SMG5: variants seen among roughly 807,000 people sequenced by gnomAD.
The protein encoded by SMG5 is nonsense-mediated mRNA decay factor SMG5.
In SMG5, 53 loss-of-function variants were observed where a neutral mutation model predicts 122.9. That is an observed-to-expected ratio of 0.43 (90% CI 0.35 to 0.54). The LOEUF (loss-of-function observed/expected upper bound fraction) is 0.54, where lower values mean the gene tolerates loss of function less well. SMG5 is among the 20% of genes least tolerant of loss of function. The probability of loss-of-function intolerance (pLI) is 0.01; values close to 1 mark genes in which losing one functional copy is unlikely to be tolerated. For missense variants in SMG5, 1,153 were observed against 1,285.6 expected, an observed-to-expected ratio of 0.90 and a Z score of 1.58; for synonymous variants, 477 against 490.2, an observed-to-expected ratio of 0.97 and a Z score of 0.35.
At chr1:156,286,379 C>T (rs747391791), upstream of SMG5, 33 of 1,614,094 alleles carry the variant, frequency 2.0e-5, no homozygotes, top group South Asian at 3.3e-4. Flanking sequence ...GCTCTTTATT[C>T]TCTACTTCTT....
chr1:156,282,779 C>T lies in SMG5; in HGVS notation c.-99G>A. 1 of 1,325,968 alleles carries T rather than the reference C, an allele frequency of 7.5e-7. No homozygotes were observed. The highest frequency in any genetic ancestry group is 1.0e-6 in the Non-Finnish European group (1 of 984,000). 82.1% of individuals were successfully genotyped at this position (1,325,968 alleles called of 1,614,324 possible). A position where few individuals can be genotyped will look rare whatever the true frequency, so the allele number is the denominator to read the frequency against. ...CGGCCGTAGCCGCAGCCGCCGCCGC[C>T]ACCGGCCCTGCTCGGCCGCCATCGC... On this transcript the variant is annotated 5_prime_UTR_variant, in exon 1 of 22. The change creates a premature stop within an existing upstream ORF in the 5' untranslated region. Transcript: ENST00000361813.
chr1:156,286,244 T>A (rs1558251420), upstream of SMG5: 5 of 1,613,308 alleles, frequency 3.1e-6, no homozygotes, highest in Non-Finnish European at 4.2e-6. Flanking sequence ...CTACCCTGTT[T>A]CCCAACTCCA....
chr1:156,268,656 T>C (rs112837208), intron 7 of SMG5, among the ~76,000 whole-genome samples: 3,453 of 152,256 alleles, frequency 0.023, 134 homozygotes, highest in African/African-American at 0.079. Flanking sequence ...AAGGAGAATA[T>C]CAATCCTACC....
At chr1:156,273,718 C>CTTTTTTTTTTTTTTTTTTTTT (rs748042052) in intron 5 of SMG5, among the ~76,000 whole-genome samples, 5 of 116,330 alleles carry the variant, frequency 4.3e-5, no homozygotes, top group Non-Finnish European at 8.7e-5. Flanking sequence ...GTTTTGTTTT[C>CTTTTTTTTTTTTTTTTTTTTT]TTTTTTTTTT....
Position 156,277,140 on chromosome 1 carries a change from G to A in SMG5, c.399C>T (p.Tyr133=). Residue 133 remains tyrosine (Y), a synonymous_variant, in exon 4 of 22, where the codon TAC becomes TAT. Coordinates refer to ENST00000361813, the MANE Select transcript of SMG5 (RefSeq NM_015327.3). ...CGATGCAGCACTGCAGTTCCAGCTGGTAGTGGGACTGGATATAGAGAAGGA... is the reference window on the plus strand; with the variant it reads ...CGATGCAGCACTGCAGTTCCAGCTGATAGTGGGACTGGATATAGAGAAGGA... ...QHLLLYIQSH[Y]QLELQCCIDW... is the part of the protein sequence containing the mutation. 6.2e-7 allele frequency: 1 copy of A among 1,614,014 alleles called. No homozygotes were observed. Among genetic ancestry groups the A allele is most frequent in the Non-Finnish European group, 8.5e-7 (1 of 1,179,954 alleles).
At chr1:156,263,595 A>C in intron 12 of SMG5, 25 bp from the exon 13 acceptor site, 1 of 1,606,860 alleles carries the variant, frequency 6.2e-7, no homozygotes, top group Non-Finnish European at 8.5e-7. Context: ...AATGGAAGAG[A>C]AAAAAACTGG....
At chr1:156,259,252 C>T in intron 15 of SMG5, 89 bp from the exon 16 acceptor site, 1 of 1,365,858 alleles carries the variant, frequency 7.3e-7, no homozygotes, top group East Asian at 2.8e-5. Flanking sequence ...CACCCTCCCA[C>T]CTCCCTGCTG....
In SMG5 at chr1:156,277,993, T is replaced by G; in HGVS notation, c.229A>C (p.Lys77Gln). Residue 77 changes from lysine to glutamine, a missense_variant, in exon 3 of 22, where the codon AAG (lysine) becomes CAG (glutamine). Lys to Gln is a moderately conservative substitution (Grantham distance 53). Transcript: ENST00000361813. ...TTTCTCCACAGCAGCTCCTCAGCCT[T>G]TCTCCCATAGTCCACTGGGTGCAGG... Reference protein sequence around the residue: ...MFLHPVDYGRKAEELLWRKVY... With the variant: ...MFLHPVDYGRQAEELLWRKVY... 6.2e-7 allele frequency: 1 copy of G among 1,614,154 alleles called. No individual in the cohort carries two copies. The highest frequency in any genetic ancestry group is 1.1e-5 in the South Asian group (1 of 91,088).
chr1:156,260,209 G>A (rs1259724387), intron 15 of SMG5, among the ~76,000 whole-genome samples: 1 of 152,210 alleles, frequency 6.6e-6, no homozygotes, highest in Non-Finnish European at 1.5e-5. Flanking sequence ...AGAAAGGAAG[G>A]GGGTGGTTGT....
chr1:156,277,659 T>C (rs1233048428), intron 3 of SMG5, among the ~76,000 whole-genome samples: 1 of 152,016 alleles, frequency 6.6e-6, no homozygotes, highest in Non-Finnish European at 1.5e-5. Context: ...ATTACAGGCA[T>C]GCACCACCAC....
chr1:156,265,702 A>G (rs950712882), intron 12 of SMG5, 79 bp downstream of exon 12: 19 of 1,545,748 alleles, frequency 1.2e-5, no homozygotes, highest in African/African-American at 2.7e-5. Flanking sequence ...ATTCACACAG[A>G]TAGGAAAGCG....
intron 7 of SMG5, among the ~76,000 whole-genome samples, chr1:156,269,533 G>A (rs1227981525): frequency 2.6e-5 from 4 of 151,682 alleles, no homozygotes; most frequent in African/African-American, 7.3e-5. Flanking sequence ...TCAGGAGTTC[G>A]AGATGAGCCT....
chr1:156,256,310 CTT>C (rs533116327), intron 16 of SMG5, among the ~76,000 whole-genome samples: 86 of 86,944 alleles, frequency 9.9e-4, no homozygotes, highest in East Asian at 8.4e-3. Flanking sequence ...CATCTTCTCT[CTT>C]TTTTTTTTTT....
chr1:156,259,152 G>A lies in SMG5; in HGVS notation c.2295C>T (p.Arg765=), dbSNP rs1661704070. ...LLSTLEESVV[R]ICCIRSFGHF... ...GACCAAAGCTGCGGATGCAGCAGAT[G>A]CGCACCACTGACTGTGGGGAGATAC... The change falls in exon 16 of 22, where the codon CGC becomes CGT. Residue 765 remains arginine (R), a synonymous_variant. Transcript: ENST00000361813. 4.4e-6 allele frequency: 7 copies of A among 1,582,022 alleles called. No individual in the cohort carries two copies. The highest frequency in any genetic ancestry group is 3.5e-5 in the Admixed American group (2 of 56,520).
chr1:156,256,595 T>C (rs558395838), intron 16 of SMG5, among the ~76,000 whole-genome samples: 1 of 151,688 alleles, frequency 6.6e-6, no homozygotes, highest in African/African-American at 2.4e-5. Context: ...AGAGAACTAG[T>C]GTAGGTGAGT....
chr1:156,267,953 C>G (rs148632892), intron 9 of SMG5, among the ~76,000 whole-genome samples, 162 bp downstream of exon 9: 3 of 152,076 alleles, frequency 2.0e-5, no homozygotes, highest in African/African-American at 2.4e-5. Flanking sequence ...GGGCATAGGA[C>G]CCTTGGGAGA....
At position 156,267,510 on chromosome 1, in the gene SMG5, G is replaced by A. The variant is rs762265779; in HGVS notation, c.1077C>T (p.Val359=). 13 of 1,614,126 alleles carry A rather than the reference G, an allele frequency of 8.1e-6. No homozygotes were observed. Among genetic ancestry groups the A allele is most frequent in the Non-Finnish European group, 1.0e-5 (12 of 1,180,010 alleles). Residue 359 remains valine (V), a synonymous_variant, in exon 10 of 22, where the codon GTC becomes GTT. Transcript: ENST00000361813. Reference sequence around the variant, plus strand: ...TGTGCACACACATAAGGCAGATGATGACCATTTGAAAGATGAGAAGGTCCG... The same window carrying A: ...TGTGCACACACATAAGGCAGATGATAACCATTTGAAAGATGAGAAGGTCCG... ...FLPDLLIFQM[V]IICLMCVHSL...
At chr1:156,271,254 T>C (rs1242211830) in intron 7 of SMG5, among the ~76,000 whole-genome samples, 2 of 152,336 alleles carry the variant, frequency 1.3e-5, no homozygotes, top group East Asian at 3.9e-4. Flanking sequence ...TACTTTATTA[T>C]CTGATTACTT....
chr1:156,263,267 T>C (rs1572581440), intron 13 of SMG5, 128 bp downstream of exon 13: 13 of 1,051,734 alleles, frequency 1.2e-5, no homozygotes, highest in Non-Finnish European at 1.8e-5. Flanking sequence ...CCAGCACAGA[T>C]AGGTGATTAA....
Sources: allele counts gnomAD v4.1 joint callset (sites outside exome capture counted in the v4.1 genomes callset), GRCh38; gene constraint gnomAD v4.1.1; transcripts MANE v1.5; gene names NCBI Gene and HGNC (gene_info 2026-07-23, HGNC 2026-07-21).